The following ANKRD30A variants were observed in gnomAD, a reference collection of about 807,000 sequenced individuals.
ANKRD30A encodes ankyrin repeat domain-containing protein 30A.
ANKRD30A carries 170 observed loss-of-function variants against 166.3 expected under a neutral mutation model. That is an observed-to-expected ratio of 1.02 (90% confidence interval 0.90 to 1.16). The LOEUF is 1.16. Ranked by LOEUF, ANKRD30A falls within the 50% of genes most tolerant of loss-of-function variation. The pLI, the probability that ANKRD30A is intolerant of heterozygous loss-of-function variation, is 0.00. For synonymous variants in ANKRD30A, 564 were observed against 508.9 expected (o/e 1.11, Z -1.46); for missense variants, 1,630 against 1,518.0 (o/e 1.07, Z -1.23).
chr10:37,160,085 C>T (rs1678396747), intron 15 of ANKRD30A, among the ~76,000 whole-genome samples: 1 of 152,144 alleles, frequency 6.6e-6, no homozygotes, highest in Admixed American at 6.6e-5. Flanking sequence ...TTTAGATGGA[C>T]CCAATACAAT....
the ANKRD30A span, among the ~76,000 whole-genome samples, chr10:37,259,849 C>A: frequency 6.6e-5 from 10 of 152,062 alleles, no homozygotes; most frequent in African/African-American, 2.4e-4. Flanking sequence ...GCAGAGGGGG[C>A]TCCGGGTGTT....
downstream of ANKRD30A, among the ~76,000 whole-genome samples, chr10:37,234,440 G>A (rs1016654340): frequency 6.6e-6 from 1 of 152,020 alleles, no homozygotes; most frequent in Non-Finnish European, 1.5e-5. Flanking sequence ...TGAAAGATAA[G>A]ACTTAGCTGG....
At position 37,217,832 on chromosome 10, in the gene ANKRD30A, G is replaced by A; in HGVS notation, c.3221G>A (p.Arg1074Lys). 1 of 1,599,070 alleles carries A rather than the reference G, an allele frequency of 6.3e-7. No homozygotes were observed. Among genetic ancestry groups the A allele is most frequent in the East Asian group, 2.3e-5 (1 of 44,160 alleles). ...EVKQQLEQAL[R>K]IQDIELKSVE... Reference sequence around the variant, plus strand: ...AAACAACAACTTGAACAGGCTCTCAGAATACAAGATATAGAATTGAAGAGT... The same window carrying A: ...AAACAACAACTTGAACAGGCTCTCAAAATACAAGATATAGAATTGAAGAGT... Residue 1074 changes from arginine to lysine, a missense_variant, in exon 33 of 36, where the codon AGA becomes AAA. Around this residue, in one of 4 missense-constraint regions of ANKRD30A, gnomAD observed 712 missense variants for 629.3 expected, o/e 1.13. Coordinates refer to ENST00000361713, the MANE Select transcript of ANKRD30A (RefSeq NM_052997.3).
downstream of ANKRD30A, among the ~76,000 whole-genome samples, chr10:37,232,905 A>AC (rs940595314): frequency 2.0e-5 from 3 of 149,634 alleles, no homozygotes; most frequent in African/African-American, 7.3e-5. Context: ...AAAAAAAAAA[A>AC]AACAAAATAA....
At chr10:37,199,614 G>A (rs535301239) in intron 29 of ANKRD30A, 113 bp from the exon 30 acceptor site, 61 of 562,516 alleles carry the variant, frequency 1.1e-4, no homozygotes, top group Non-Finnish European at 1.9e-4. Context: ...AAGAATATAC[G>A]GGCTACAGAG....
chr10:37,220,804 G>T (rs1842864375), intron 34 of ANKRD30A, among the ~76,000 whole-genome samples: 2 of 151,130 alleles, frequency 1.3e-5, no homozygotes, highest in Admixed American at 6.6e-5. Context: ...TAGTACAAAA[G>T]AAGTGAGTAG....
intron 31 of ANKRD30A, among the ~76,000 whole-genome samples, chr10:37,210,412 T>TC (rs1311398637): frequency 6.6e-6 from 1 of 152,194 alleles, no homozygotes; most frequent in Non-Finnish European, 1.5e-5. Flanking sequence ...TTGAGAATAC[T>TC]CCCCCAATAA....
chr10:37,171,554 T>C (rs1368669488), intron 21 of ANKRD30A, among the ~76,000 whole-genome samples: 3 of 151,716 alleles, frequency 2.0e-5, no homozygotes, highest in African/African-American at 7.3e-5. Flanking sequence ...GCCCCCGGTG[T>C]ATTTGTTGAA....
intron 13 of ANKRD30A, among the ~76,000 whole-genome samples, chr10:37,156,461 A>G (rs764570039): frequency 6.6e-6 from 1 of 152,218 alleles, no homozygotes; most frequent in Non-Finnish European, 1.5e-5. Flanking sequence ...ATCACAATTT[A>G]GAACCAGAGT....
At chr10:37,199,104 T>A (rs1284398360) in intron 29 of ANKRD30A, among the ~76,000 whole-genome samples, 1 of 152,034 alleles carries the variant, frequency 6.6e-6, no homozygotes, top group African/African-American at 2.4e-5. Context: ...AGGGAAGAAG[T>A]ATGTCATTGT....
At chr10:37,150,511 A>C (rs550246343) in intron 11 of ANKRD30A, among the ~76,000 whole-genome samples, 18 of 152,150 alleles carry the variant, frequency 1.2e-4, no homozygotes, top group East Asian at 3.9e-4. Context: ...TTTTAAAACT[A>C]TTCTTATGCA....
intron 7 of ANKRD30A, among the ~76,000 whole-genome samples, chr10:37,144,653 G>A (rs987752181): frequency 6.6e-6 from 1 of 152,096 alleles, no homozygotes; most frequent in Non-Finnish European, 1.5e-5. Flanking sequence ...AGTAATGAGA[G>A]CTGACAGGTA....
At chr10:37,132,177 G>C in intron 3 of ANKRD30A, 63 bp from the exon 4 acceptor site, 2 of 1,113,488 alleles carry the variant, frequency 1.8e-6, no homozygotes, top group Non-Finnish European at 2.6e-6. Flanking sequence ...ATTATATAAG[G>C]TATTCAGTTC....
At chr10:37,240,686 A>G in the ANKRD30A span, among the ~76,000 whole-genome samples, 1 of 152,094 alleles carries the variant, frequency 6.6e-6, no homozygotes, top group African/African-American at 2.4e-5. Context: ...TCTATCTGAC[A>G]TATGTTTTTG....
At chr10:37,251,459 G>C in the ANKRD30A span, among the ~76,000 whole-genome samples, 1,425 of 152,218 alleles carry the variant, frequency 9.4e-3, 32 homozygotes, top group East Asian at 0.093. Flanking sequence ...TCACCTTCAG[G>C]CTTATTTCCT....
chr10:37,190,185 CT>C (rs1840420634), intron 25 of ANKRD30A, among the ~76,000 whole-genome samples: 1 of 151,798 alleles, frequency 6.6e-6, no homozygotes. Flanking sequence ...GGTTTTCAAA[CT>C]TTAGAAAGTC....
chr10:37,256,004 G>A, the ANKRD30A span, among the ~76,000 whole-genome samples: 7 of 152,040 alleles, frequency 4.6e-5, no homozygotes, highest in African/African-American at 1.7e-4. Flanking sequence ...GTGTATTCTC[G>A]TTTCCTCCTC....
At chr10:37,235,269 G>T (rs555011677), downstream of ANKRD30A, among the ~76,000 whole-genome samples, 8 of 152,202 alleles carry the variant, frequency 5.3e-5, no homozygotes, top group South Asian at 1.7e-3. Context: ...TTAAATATAT[G>T]TGTGGATCTA....
At chr10:37,253,704 A>G in the ANKRD30A span, among the ~76,000 whole-genome samples, 1 of 145,584 alleles carries the variant, frequency 6.9e-6, no homozygotes, top group Non-Finnish European at 1.5e-5. Flanking sequence ...GCTGGAGTGC[A>G]GTAGCACATC....
Sources: gnomAD v4.1 joint callset for allele counts (sites outside exome capture counted in the v4.1 genomes callset) on GRCh38, gnomAD v4.1.1 for gene constraint, gnomAD v4.1.1 regional missense constraint, MANE v1.5 for transcripts, NCBI Gene and HGNC (gene_info 2026-07-23, HGNC 2026-07-21) for gene names.